Variants in SETD7 observed in about 807,000 individuals in gnomAD.
SETD7 encodes histone-lysine N-methyltransferase SETD7.
A neutral mutation model predicts 41.8 loss-of-function variants in SETD7; 16 were observed. The observed-to-expected ratio is 0.38, with a 90% confidence interval of 0.26 to 0.58. SETD7 has a LOEUF of 0.58. Among genes scored for constraint, SETD7 ranks in the 20% least tolerant of loss-of-function variants. The pLI is 0.64. For missense variants in SETD7, 346 were observed against 459.7 expected (o/e 0.75, Z 2.26); for synonymous variants, 163 against 169.7 (o/e 0.96, Z 0.31).
chr4:139,526,434 T>G (rs1235202720), intron 4 of SETD7, among the ~76,000 whole-genome samples: 2 of 78,626 alleles, frequency 2.5e-5, no homozygotes, highest in African/African-American at 8.7e-5. Context: ...TATGCCCAGC[T>G]AATTTTTTTT....
At chr4:139,537,223 C>T (rs576937665) in intron 2 of SETD7, among the ~76,000 whole-genome samples, 1 of 152,304 alleles carries the variant, frequency 6.6e-6, no homozygotes, top group South Asian at 2.1e-4. Flanking sequence ...GATCTGCCCA[C>T]CTCGGCCTCC....
At chr4:139,533,660 T>C (rs1218024720) in intron 2 of SETD7, among the ~76,000 whole-genome samples, 1 of 152,226 alleles carries the variant, frequency 6.6e-6, no homozygotes, top group Non-Finnish European at 1.5e-5. Flanking sequence ...ACAAGTTCAC[T>C]TGAGTATGTT....
At position 139,533,291 on chromosome 4, in the gene SETD7, G is replaced by T; in HGVS notation, c.246C>A (p.Leu82=). The T allele has an allele frequency of 1.2e-6, 2 of 1,614,122 alleles. No homozygotes were observed. The highest frequency in any genetic ancestry group is 1.7e-6 in the Non-Finnish European group (2 of 1,180,020). Residue 82 remains leucine, a synonymous_variant, in exon 3 of 8, where the codon CTC becomes CTA. Transcript: ENST00000274031. ...GVYTYEDGGV[L]QGTYVDGELN... Reference sequence around the variant, plus strand: ...GCTCTCCGTCTACATACGTGCCCTGGAGAACTCCCCCATCTTCGTAAGTGT... The same window carrying T: ...GCTCTCCGTCTACATACGTGCCCTGTAGAACTCCCCCATCTTCGTAAGTGT...
In SETD7 at chr4:139,528,975, G is replaced by A. The variant is rs1297872957; in HGVS notation, c.562+56C>T. On this transcript the variant is annotated intron_variant, in intron 4 of 7. Coordinates refer to ENST00000274031, the MANE Select transcript of SETD7 (RefSeq NM_030648.4). The stretch of plus-strand genomic sequence containing the variant: ...AAGAAAAGAAGCTTGTCTCAAATCA[G>A]CCCTAACAACCTGCTTTGGAATTGG... The A allele has an allele frequency of 3.5e-6, 5 of 1,423,546 alleles. No individual in the cohort carries two copies. The African/African-American group carries it at 5.7e-5, about 16-fold the overall frequency. 88.2% of individuals were successfully genotyped at this position (1,423,546 alleles called of 1,614,324 possible).
intron 1 of SETD7, among the ~76,000 whole-genome samples, chr4:139,554,688 C>G (rs1230416505): frequency 1.3e-5 from 2 of 152,220 alleles, no homozygotes; most frequent in Non-Finnish European, 2.9e-5. Flanking sequence ...ACAAAAACCA[C>G]AGTCTTTAAT....
chr4:139,517,291 A>G (rs2111129845), intron 7 of SETD7, among the ~76,000 whole-genome samples: 1 of 152,320 alleles, frequency 6.6e-6, no homozygotes, highest in South Asian at 2.1e-4. Flanking sequence ...CCTGACTGAC[A>G]TGGTGAAAAC....
rs530027757 is a variant in SETD7, at chr4:139,497,811, T to C, written c.921-1290A>G. On this transcript the variant is annotated intron_variant, in intron 7 of 7. Coordinates refer to the SETD7 transcript ENST00000506866. ...TTTCACCATGTTGGCCAGGCTGGTC[T>C]TGAACTCCTGAGCTCAGGTGATCCA... Among the ~76,000 whole-genome samples, 40 of 152,232 alleles carry C rather than the reference T, an allele frequency of 2.6e-4. No individual in the cohort carries two copies. In the South Asian group the frequency reaches 7.9e-3, roughly 30 times the overall value.
rs1349071882 is a variant in SETD7, at chr4:139,511,830, G to T, written c.934C>A (p.Arg312Ser). Residue 312 changes from arginine to serine, a missense_variant, in exon 8 of 8, where the codon CGT (arginine) becomes AGT (serine). Arg to Ser is a moderately radical substitution (Grantham distance 110). Coordinates refer to ENST00000274031, the MANE Select transcript of SETD7 (RefSeq NM_030648.4). ...NCIYDMFVHP[R>S]FGPIKCIRTL... ...CGGATGCATTTGATGGGCCCAAAACGGGGGTGGACAAACCTAAACATCAAG... is the reference window on the plus strand; with the variant it reads ...CGGATGCATTTGATGGGCCCAAAACTGGGGTGGACAAACCTAAACATCAAG... The T allele has an allele frequency of 1.2e-6, 2 of 1,611,844 alleles. No individual in the cohort carries two copies. Among genetic ancestry groups the T allele is most frequent in the Non-Finnish European group, 1.7e-6 (2 of 1,179,224 alleles).
At chr4:139,526,193 G>A (rs1378853286) in intron 4 of SETD7, among the ~76,000 whole-genome samples, 1 of 151,766 alleles carries the variant, frequency 6.6e-6, no homozygotes, top group Non-Finnish European at 1.5e-5. Flanking sequence ...TGGGACTGTA[G>A]GCACACTCTA....
intron 2 of SETD7, among the ~76,000 whole-genome samples, chr4:139,537,337 G>C (rs1429058256): frequency 6.6e-6 from 1 of 152,132 alleles, no homozygotes; most frequent in Non-Finnish European, 1.5e-5. Context: ...TGTTAATATC[G>C]GGTCATATTT....
chr4:139,523,312 C>T (rs1288357688), intron 5 of SETD7, 42 bp downstream of exon 5: 1 of 1,441,386 alleles, frequency 6.9e-7, no homozygotes, highest in Non-Finnish European at 9.7e-7. Flanking sequence ...CTTATTTAAC[C>T]TCACATAAAC....
chr4:139,553,367 C>A (rs547152550), intron 1 of SETD7, among the ~76,000 whole-genome samples: 1 of 152,308 alleles, frequency 6.6e-6, no homozygotes, highest in African/African-American at 2.4e-5. Flanking sequence ...TTCTGAAAGT[C>A]ACTGAACTCT....
chr4:139,528,893 G>T, intron 4 of SETD7, 138 bp downstream of exon 4: 1 of 715,354 alleles, frequency 1.4e-6, no homozygotes, highest in Non-Finnish European at 2.3e-6. Context: ...TGCAGTGTCT[G>T]TTATGCAATA....
At position 139,555,616 on chromosome 4, in the gene SETD7, C is replaced by A. The variant is rs1169510598; in HGVS notation, c.40+482G>T. ...CGCTGCGCCGGGGGACCTACCCGGACGGGGCCGCGGCCGCCGCGGGGCGCA... is the reference window on the plus strand; with the variant it reads ...CGCTGCGCCGGGGGACCTACCCGGAAGGGGCCGCGGCCGCCGCGGGGCGCA... On this transcript the variant is annotated intron_variant, in intron 1 of 7. Coordinates refer to ENST00000274031, the MANE Select transcript of SETD7 (RefSeq NM_030648.4). The surrounding 1 kb of genome is among the most constrained non-coding windows in gnomAD (Gnocchi z 4.0). Among the ~76,000 whole-genome samples the A allele has an allele frequency of 6.6e-6, 1 of 151,972 alleles. No homozygotes were observed. The highest frequency in any genetic ancestry group is 1.5e-5 in the Non-Finnish European group (1 of 67,974).
chr4:139,551,206 G>A (rs1054168003), intron 1 of SETD7, among the ~76,000 whole-genome samples: 13 of 152,244 alleles, frequency 8.5e-5, no homozygotes, highest in Non-Finnish European at 1.6e-4. Context: ...TCTGCATGAG[G>A]TCAATTTGTA....
At chr4:139,552,338 A>AT (rs1192578068) in intron 1 of SETD7, among the ~76,000 whole-genome samples, 2 of 152,074 alleles carry the variant, frequency 1.3e-5, no homozygotes, top group Non-Finnish European at 2.9e-5. Flanking sequence ...CCTTGTTCTG[A>AT]TATTTCCCCT....
At chr4:139,517,790 C>G in intron 7 of SETD7, 95 bp downstream of exon 7, 2 of 1,330,732 alleles carry the variant, frequency 1.5e-6, no homozygotes, top group South Asian at 1.5e-5. Flanking sequence ...GATGAAGCAG[C>G]CTTTATCTGA....
intron 1 of SETD7, among the ~76,000 whole-genome samples, chr4:139,549,798 A>T (rs1728062268): frequency 6.6e-6 from 1 of 151,938 alleles, no homozygotes; most frequent in Admixed American, 6.6e-5. Flanking sequence ...TTTTTTTGAG[A>T]CAGAGTTTTA....
At chr4:139,512,113 C>G (rs1298261835) in intron 7 of SETD7, among the ~76,000 whole-genome samples, 1 of 152,200 alleles carries the variant, frequency 6.6e-6, no homozygotes, top group Non-Finnish European at 1.5e-5. Context: ...TTGAAAAGCA[C>G]TGCTCTGTTT....
Sources: allele counts gnomAD v4.1 joint callset (sites outside exome capture counted in the v4.1 genomes callset), GRCh38; gene constraint gnomAD v4.1.1; non-coding constraint Gnocchi (gnomAD v3.1); transcripts MANE v1.5; gene names NCBI Gene and HGNC (gene_info 2026-07-23, HGNC 2026-07-21).